Variants in CPQ observed in about 807,000 individuals in gnomAD.
The protein encoded by CPQ is Ser-Met dipeptidase.
Under a neutral mutation model 45.7 loss-of-function variants are expected in CPQ, and 37 were observed. The observed-to-expected ratio is 0.81, with a 90% CI of 0.62 to 1.07. CPQ has a LOEUF of 1.07. CPQ is among the 50% of genes least tolerant of loss of function. CPQ has a pLI of 0.00. For missense variants in CPQ, 537 were observed against 572.9 expected (o/e 0.94, Z 0.64); for synonymous variants, 186 against 205.8 (o/e 0.90, Z 0.82).
chr8:96,725,613 G>T (rs1586374773), intron 1 of CPQ, among the ~76,000 whole-genome samples: 1 of 152,194 alleles, frequency 6.6e-6, no homozygotes, highest in South Asian at 2.1e-4. Context: ...GGAGAAAAGG[G>T]AATGCTTATA....
At chr8:97,015,553 A>AAAAT (rs1809564791) in intron 5 of CPQ, among the ~76,000 whole-genome samples, 1 of 152,202 alleles carries the variant, frequency 6.6e-6, no homozygotes. Flanking sequence ...ATAGTGTAGA[A>AAAAT]AAATAGATAC....
At chr8:97,029,282 G>A in intron 5 of CPQ, 121 bp from the exon 6 acceptor site, 1 of 906,956 alleles carries the variant, frequency 1.1e-6, no homozygotes, top group Non-Finnish European at 1.7e-6. Flanking sequence ...AACCACACCA[G>A]TGAGAGTTGA....
At chr8:96,759,513 TC>T (rs1267077628) in intron 1 of CPQ, among the ~76,000 whole-genome samples, 1 of 152,162 alleles carries the variant, frequency 6.6e-6, no homozygotes, top group Admixed American at 6.6e-5. Flanking sequence ...ATGATTAGCA[TC>T]CATTAGCATT....
At chr8:97,139,670 TAATA>T (rs969208569) in intron 7 of CPQ, among the ~76,000 whole-genome samples, 1 of 151,948 alleles carries the variant, frequency 6.6e-6, no homozygotes, top group African/African-American at 2.4e-5. Context: ...AACTAGAAAT[TAATA>T]AATATTTAGA....
At chr8:96,914,567 C>T (rs189625312) in intron 4 of CPQ, among the ~76,000 whole-genome samples, 45 of 152,290 alleles carry the variant, frequency 3.0e-4, no homozygotes, top group African/African-American at 9.6e-4. Flanking sequence ...ATTTTCCCTG[C>T]AGCTTTGGCA....
At chr8:96,759,578 T>C (rs1295798010) in intron 1 of CPQ, among the ~76,000 whole-genome samples, 2 of 152,188 alleles carry the variant, frequency 1.3e-5, no homozygotes, top group Non-Finnish European at 2.9e-5. Flanking sequence ...GCTGTATCTC[T>C]CACAGAGTGC....
chr8:96,819,212 GGA>G (rs10581975), intron 2 of CPQ, among the ~76,000 whole-genome samples: 78,960 of 151,620 alleles, frequency 0.52, 21,713 homozygotes, highest in East Asian at 0.88. Flanking sequence ...CTAATATGAG[GGA>G]GCTTCAAAAA....
At chr8:96,709,187 A>T (rs988037705) in intron 1 of CPQ, among the ~76,000 whole-genome samples, 2 of 152,088 alleles carry the variant, frequency 1.3e-5, no homozygotes, top group African/African-American at 4.8e-5. Flanking sequence ...CTACGATTCT[A>T]GTGTACCTGT....
At chr8:97,129,880 G>T (rs1811913130) in intron 7 of CPQ, among the ~76,000 whole-genome samples, 1 of 152,178 alleles carries the variant, frequency 6.6e-6, no homozygotes. Context: ...CAAGGTACTT[G>T]GCACTTAGTG....
At chr8:97,140,161 C>T (rs1586559940) in intron 7 of CPQ, among the ~76,000 whole-genome samples, 1 of 151,772 alleles carries the variant, frequency 6.6e-6, no homozygotes, top group East Asian at 1.9e-4. Flanking sequence ...ACAAAACTCA[C>T]AAATTCCTAG....
chr8:97,074,322 A>G (rs770096630), intron 7 of CPQ, among the ~76,000 whole-genome samples: 29 of 152,258 alleles, frequency 1.9e-4, no homozygotes, highest in Admixed American at 1.8e-3. Context: ...GTATTGATTT[A>G]AAGATGAAAA....
At chr8:96,985,803 T>C (rs1808957764) in intron 5 of CPQ, among the ~76,000 whole-genome samples, 1 of 152,212 alleles carries the variant, frequency 6.6e-6, no homozygotes, top group African/African-American at 2.4e-5. Context: ...ATCACAAAAA[T>C]TTATAACAAC....
intron 1 of CPQ, among the ~76,000 whole-genome samples, chr8:96,678,447 G>C (rs1015958756): frequency 7.2e-5 from 11 of 151,972 alleles, no homozygotes; most frequent in African/African-American, 2.7e-4. Context: ...TGGGATTGCT[G>C]GAGTGTATAG....
intron 2 of CPQ, among the ~76,000 whole-genome samples, chr8:96,802,003 T>C (rs898236957): frequency 6.6e-6 from 1 of 152,208 alleles, no homozygotes; most frequent in Non-Finnish European, 1.5e-5. Flanking sequence ...TGATTCCATC[T>C]CTTTGTCTTT....
At chr8:96,802,988 C>CAT (rs1225531452) in intron 2 of CPQ, among the ~76,000 whole-genome samples, 1 of 140,220 alleles carries the variant, frequency 7.1e-6, no homozygotes, top group Non-Finnish European at 1.5e-5. Flanking sequence ...GAAACAGAAG[C>CAT]ATACACACAC....
chr8:96,867,685 C>T (rs1179949721), intron 3 of CPQ, among the ~76,000 whole-genome samples: 2 of 151,922 alleles, frequency 1.3e-5, no homozygotes, highest in Non-Finnish European at 2.9e-5. Context: ...AATCAATTTG[C>T]ATAAATACAA....
At chr8:96,976,752 AG>A (rs1324979949) in intron 5 of CPQ, among the ~76,000 whole-genome samples, 2 of 152,006 alleles carry the variant, frequency 1.3e-5, no homozygotes, top group Non-Finnish European at 2.9e-5. Context: ...AGTGGAGAAA[AG>A]ACGCCTATTC....
intron 4 of CPQ, among the ~76,000 whole-genome samples, chr8:96,930,767 A>T (rs1812963279): frequency 6.6e-6 from 1 of 152,190 alleles, no homozygotes. Context: ...TTGGACTCCA[A>T]GATAAGGAAA....
In CPQ at chr8:97,074,975, A is replaced by G. The variant is rs111309588; in HGVS notation, c.1255+8765A>G. On this transcript the variant is annotated intron_variant, in intron 7 of 7. Coordinates refer to ENST00000220763, the MANE Select transcript of CPQ (RefSeq NM_016134.4). ...ATAAATGTCAGGTGAAAACTCTCAT[A>G]GCTGATGCGAAGATACCGGAACGCT... Among the ~76,000 whole-genome samples the G allele has an allele frequency of 5.1e-3, 783 of 152,230 alleles. 8 individuals are homozygous for G. The highest frequency in any genetic ancestry group is 0.018 in the African/African-American group (756 of 41,546).
Sources: gnomAD v4.1 joint callset for allele counts (sites outside exome capture counted in the v4.1 genomes callset) on GRCh38, gnomAD v4.1.1 for gene constraint, MANE v1.5 for transcripts, NCBI Gene and HGNC (gene_info 2026-07-23, HGNC 2026-07-21) for gene names.